The following LARGE1 variants were observed in gnomAD, a reference collection of about 807,000 sequenced individuals.
LARGE1 encodes LARGE xylosyl- and glucuronyltransferase 1, also known as xylosyl- and glucuronyltransferase LARGE1.
LARGE1 carries 43 observed loss-of-function variants against 87.6 expected under a neutral mutation model. That is an observed-to-expected ratio of 0.49 (90% CI 0.38 to 0.63). The LOEUF is 0.63. LARGE1 is among the 30% of genes least tolerant of loss of function. The pLI, the probability that LARGE1 is intolerant of heterozygous loss-of-function variation, is 0.00. For missense variants in LARGE1, 802 were observed against 1,000.2 expected (o/e 0.80, Z 2.67); for synonymous variants, 434 against 394.6 (o/e 1.10, Z -1.18).
At chr22:33,670,762 A>C (rs1225234254) in intron 2 of LARGE1, among the ~76,000 whole-genome samples, 25 of 152,214 alleles carry the variant, frequency 1.6e-4, no homozygotes, top group Admixed American at 1.6e-3. Context: ...CCAGAGTTTG[A>C]AAAATTGTAC....
intron 6 of LARGE1, among the ~76,000 whole-genome samples, chr22:33,556,812 C>G (rs540439318): frequency 6.6e-6 from 1 of 151,708 alleles, no homozygotes; most frequent in South Asian, 2.1e-4. Context: ...TCAAGACCAG[C>G]GTGGCCAACA....
chr22:33,202,554 A>G (rs1370856006), intron 11 of LARGE1, among the ~76,000 whole-genome samples: 1 of 152,258 alleles, frequency 6.6e-6, no homozygotes, highest in Non-Finnish European at 1.5e-5. Flanking sequence ...CCTTGGGCTT[A>G]CAATATTTCT....
chr22:33,496,009 A>G lies in LARGE1; in HGVS notation c.788-63744T>C, dbSNP rs555514068. On this transcript the variant is annotated intron_variant, in intron 6 of 14. Transcript: ENST00000397394. ...AAGTTATTAAGGAGTACTGACTCAC[A>G]CAATCACAAGTTGAGGTCCCACAAT... 2.6e-5 allele frequency among the ~76,000 whole-genome samples: 4 copies of G among 152,310 alleles called. No homozygotes were observed. In the South Asian group the frequency reaches 8.3e-4, roughly 32 times the overall value.
intron 1 of LARGE1, among the ~76,000 whole-genome samples, chr22:33,896,513 G>A (rs1313263597): frequency 6.6e-6 from 1 of 152,212 alleles, no homozygotes; most frequent in African/African-American, 2.4e-5. Context: ...GTGTACTGGG[G>A]TCCAGTGGCT....
In LARGE1 at chr22:33,287,980, C is replaced by A. The variant is rs77254895; in HGVS notation, c.1731-4632G>T. Among the ~76,000 whole-genome samples, 61 of 152,250 alleles carry A rather than the reference C, an allele frequency of 4.0e-4. No homozygotes were observed. The East Asian group carries it at 0.011, about 28-fold the overall frequency. Reference sequence around the variant, plus strand: ...ACTATTTTGAGTCCTGGGGTTGATGCACTTGAAAAATATGTTGATGAGGAT... The same window carrying A: ...ACTATTTTGAGTCCTGGGGTTGATGAACTTGAAAAATATGTTGATGAGGAT... On this transcript the variant is annotated intron_variant, in intron 12 of 14. Transcript: ENST00000397394.
Position 33,560,916 on chromosome 22 carries a change from G to A in LARGE1, c.787+3932C>T, listed in dbSNP as rs576870172. 8.6e-5 allele frequency among the ~76,000 whole-genome samples: 13 copies of A among 151,756 alleles called. No homozygotes were observed. The South Asian group carries it at 2.3e-3, about 27-fold the overall frequency. On this transcript the variant is annotated intron_variant, in intron 6 of 14. Coordinates refer to ENST00000397394, the MANE Select transcript of LARGE1 (RefSeq NM_133642.5). ...TGCAAGCTCTGCCTCCCAGGTTCAC[G>A]CCATTCTCCTGCCTCAGCCTCCCGA...
At chr22:33,710,040 T>G (rs1170915645) in intron 2 of LARGE1, among the ~76,000 whole-genome samples, 2 of 151,502 alleles carry the variant, frequency 1.3e-5, no homozygotes, top group Non-Finnish European at 1.5e-5. Context: ...ACTGTCCCTG[T>G]TGTCTATGTT....
At chr22:33,556,935 G>A (rs2077708440) in intron 6 of LARGE1, among the ~76,000 whole-genome samples, 1 of 152,152 alleles carries the variant, frequency 6.6e-6, no homozygotes, top group Non-Finnish European at 1.5e-5. Flanking sequence ...GAACCCGGGA[G>A]GCAGAGGTTG....
chr22:33,919,405 C>T (rs2065877968), intron 1 of LARGE1, among the ~76,000 whole-genome samples: 1 of 152,200 alleles, frequency 6.6e-6, no homozygotes, highest in African/African-American at 2.4e-5. Flanking sequence ...GTCTGGATAG[C>T]TATACACTGA....
At chr22:33,743,758 C>T (rs913011308) in intron 2 of LARGE1, among the ~76,000 whole-genome samples, 3 of 152,204 alleles carry the variant, frequency 2.0e-5, no homozygotes, top group Admixed American at 2.0e-4. Context: ...AAAGGGAGTC[C>T]TCGACTTGTC....
At chr22:33,162,872 G>T (rs1293906869) in exon 12 of LARGE1, 1 of 152,190 alleles carries the variant, frequency 6.6e-6, no homozygotes, top group African/African-American at 2.4e-5. Flanking sequence ...CAATTAAAAG[G>T]TTAACACTTG....
intron 8 of LARGE1, 139 bp downstream of exon 8, chr22:33,384,053 G>GAC (rs2065244844): frequency 1.3e-6 from 1 of 755,966 alleles, no homozygotes; most frequent in Non-Finnish European, 2.4e-6. Flanking sequence ...AGACTGGCAA[G>GAC]AATAAGGCAG....
intron 6 of LARGE1, 24 bp from the exon 7 acceptor site, chr22:33,432,289 C>A: frequency 6.3e-7 from 1 of 1,584,398 alleles, no homozygotes; most frequent in African/African-American, 1.3e-5. Context: ...AGAATACAAA[C>A]ATCTTAAAAG....
At position 33,337,845 on chromosome 22, in the gene LARGE1, G is replaced by A. The variant is rs202038736; in HGVS notation, c.1132-44C>T. The A allele has an allele frequency of 1.7e-5, 27 of 1,608,188 alleles. No individual in the cohort carries two copies. The East Asian group carries it at 5.6e-4, about 33-fold the overall frequency. ...AGTGGTCAGGTATGGCAGGGGTGGG[G>A]TGGGGATCCCTCACACCTGTAGGAA... On this transcript the variant is annotated intron_variant, in intron 9 of 14. Transcript: ENST00000397394.
intron 1 of LARGE1, among the ~76,000 whole-genome samples, chr22:33,838,294 T>C (rs1337467661): frequency 6.6e-6 from 1 of 152,142 alleles, no homozygotes; most frequent in African/African-American, 2.4e-5. Context: ...TGAAATCTCG[T>C]CTATTCAATC....
the LARGE1 span, among the ~76,000 whole-genome samples, chr22:33,107,916 T>TA: frequency 3.3e-5 from 5 of 152,168 alleles, no homozygotes; most frequent in African/African-American, 1.2e-4. Flanking sequence ...ATTGGGATTT[T>TA]TTTTTTGCCA....
At chr22:33,488,273 G>T (rs780356259) in intron 6 of LARGE1, among the ~76,000 whole-genome samples, 1 of 152,208 alleles carries the variant, frequency 6.6e-6, no homozygotes, top group Non-Finnish European at 1.5e-5. Flanking sequence ...GTGACCACAT[G>T]GTAGTGGTTA....
chr22:33,463,234 T>C (rs1468783433), intron 6 of LARGE1, among the ~76,000 whole-genome samples: 1 of 151,418 alleles, frequency 6.6e-6, no homozygotes, highest in Non-Finnish European at 1.5e-5. Flanking sequence ...AATCCAACTA[T>C]ATATCATTTA....
chr22:33,699,997 T>C (rs769663093), intron 2 of LARGE1, among the ~76,000 whole-genome samples: 7 of 152,246 alleles, frequency 4.6e-5, no homozygotes, highest in African/African-American at 9.6e-5. Flanking sequence ...CAGGTTCCGA[T>C]GCAACCACTG....
Sources: allele counts gnomAD v4.1 joint callset (sites outside exome capture counted in the v4.1 genomes callset), GRCh38; gene constraint gnomAD v4.1.1; transcripts MANE v1.5; gene names NCBI Gene and HGNC (gene_info 2026-07-23, HGNC 2026-07-21).